RIOK3: variants seen among roughly 807,000 people sequenced by gnomAD.
The protein encoded by RIOK3 is RIO kinase 3.
Under a neutral mutation model 63.5 loss-of-function variants are expected in RIOK3, and 40 were observed. The ratio of observed to expected loss-of-function variants is 0.63; its 90% CI spans 0.49 to 0.82. The LOEUF (loss-of-function observed/expected upper bound fraction) is 0.82. RIOK3 is among the 40% of genes least tolerant of loss of function. The probability of loss-of-function intolerance (pLI) is 0.00; values close to 1 mark genes in which losing one functional copy is unlikely to be tolerated. For missense variants in RIOK3, 557 were observed against 637.0 expected, an observed-to-expected ratio of 0.87 and a Z score of 1.35; for synonymous variants, 193 against 205.0, an observed-to-expected ratio of 0.94 and a Z score of 0.50.
intron 6 of RIOK3, 75 bp from the exon 7 acceptor site, chr18:23,467,324 A>AG: frequency 6.9e-7 from 1 of 1,449,984 alleles, no homozygotes; most frequent in East Asian, 2.3e-5. Flanking sequence ...CAAAAAAAAA[A>AG]AGTTATTAGA....
At chr18:23,455,287 C>G (rs2057331638) in intron 1 of RIOK3, among the ~76,000 whole-genome samples, 1 of 151,626 alleles carries the variant, frequency 6.6e-6, no homozygotes, top group African/African-American at 2.4e-5. Context: ...ATTGGCCAGG[C>G]TGGTCTCAAA....
Position 23,477,277 on chromosome 18 carries a change from G to A in RIOK3, c.1344+9G>A. 6.2e-7 allele frequency: 1 copy of A among 1,609,888 alleles called. No individual in the cohort carries two copies. Among genetic ancestry groups the A allele is most frequent in the South Asian group, 1.1e-5 (1 of 90,982 alleles). On this transcript the variant is annotated intron_variant, in intron 11 of 12. Transcript: ENST00000339486. ...GCAGGAATGTCTCGCAGGTAGACGTGTAAACCAATATGCCTTTTTTTGTTG... is the reference window on the plus strand; with the variant it reads ...GCAGGAATGTCTCGCAGGTAGACGTATAAACCAATATGCCTTTTTTTGTTG...
intron 7 of RIOK3, among the ~76,000 whole-genome samples, chr18:23,469,323 CT>C (rs1741212505): frequency 3.2e-5 from 1 of 30,966 alleles, no homozygotes; most frequent in Non-Finnish European, 6.2e-5. Flanking sequence ...CTCTCTCTCT[CT>C]CTCTCTCTCT....
intron 7 of RIOK3, among the ~76,000 whole-genome samples, chr18:23,469,530 C>G (rs73390225): frequency 0.15 from 22,409 of 147,560 alleles, 2,765 homozygotes; most frequent in East Asian, 0.33. Context: ...CTCTGTCACC[C>G]AGGCTGGAGT....
At position 23,453,501 on chromosome 18, in the gene RIOK3, A is replaced by T. The variant is rs756195351; in HGVS notation, c.62A>T (p.Lys21Met). 2 of 1,612,210 alleles carry T rather than the reference A, an allele frequency of 1.2e-6. No individual in the cohort carries two copies. The highest frequency in any genetic ancestry group is 2.2e-5 in the South Asian group (2 of 91,058). Residue 21 changes from lysine (K) to methionine (M), a missense_variant and splice_region_variant, in exon 1 of 13, where the codon AAG (lysine) becomes ATG (methionine). Lys to Met is a moderately conservative substitution (Grantham distance 95). Around this residue, in one of 3 missense-constraint regions of RIOK3, gnomAD observed 243 missense variants for 275.4 expected, o/e 0.88. Coordinates refer to ENST00000339486, the MANE Select transcript of RIOK3 (RefSeq NM_003831.5). The part of the protein sequence containing the change: ...PGTAAAWGPS[K>M]CPWAIPQNTI... ...ACGGCAGCGGCCTGGGGACCCAGCA[A>T]GGTAAGTGGCAGACGAGACTGGAGT...
chr18:23,473,152 T>C (rs924407739), intron 7 of RIOK3, among the ~76,000 whole-genome samples: 1 of 152,250 alleles, frequency 6.6e-6, no homozygotes, highest in African/African-American at 2.4e-5. Context: ...TATGTCTTCA[T>C]TGTATTTCAA....
intron 1 of RIOK3, among the ~76,000 whole-genome samples, chr18:23,456,128 C>T (rs781189269): frequency 4.6e-5 from 7 of 151,054 alleles, no homozygotes; most frequent in East Asian, 3.9e-4. Context: ...GATCGGATTT[C>T]ACCATGTTGC....
rs1252836397 is a variant in RIOK3 at position 23,482,575 on chromosome 18, T to C, written c.*1296T>C. The C allele has an allele frequency of 6.6e-6, 1 of 152,012 alleles. No homozygotes were observed. Among genetic ancestry groups the C allele is most frequent in the Non-Finnish European group, 1.5e-5 (1 of 68,024 alleles). The allele number at this position is 152,012 out of a possible 1,614,324, so 9.4% of individuals were successfully genotyped here. A position where few individuals can be genotyped will look rare whatever the true frequency, so the allele number is the denominator to read the frequency against. On this transcript the variant is annotated 3_prime_UTR_variant, in exon 13 of 13. Transcript: ENST00000339486. ...ATCAACTAATTTGAGCTATCTGGCC[T>C]TACTCTTAGTAGTTTTTAGTACGTG...
intron 1 of RIOK3, among the ~76,000 whole-genome samples, chr18:23,459,657 C>T (rs981415193): frequency 1.3e-5 from 2 of 152,056 alleles, no homozygotes; most frequent in Admixed American, 6.6e-5. Flanking sequence ...AGGCATGCAG[C>T]GGGGAAAGTA....
At chr18:23,459,234 C>T (rs2057359146) in intron 1 of RIOK3, among the ~76,000 whole-genome samples, 1 of 152,176 alleles carries the variant, frequency 6.6e-6, no homozygotes, top group African/African-American at 2.4e-5. Flanking sequence ...GGAGTTGAAA[C>T]CTCAGAAGCG....
At chr18:23,475,506 G>A (rs1306062726) in intron 9 of RIOK3, among the ~76,000 whole-genome samples, 2 of 150,892 alleles carry the variant, frequency 1.3e-5, no homozygotes, top group African/African-American at 2.4e-5. Context: ...GCACACACCT[G>A]TAGTCCCAGC....
At chr18:23,458,427 G>T (rs1301531516) in intron 1 of RIOK3, among the ~76,000 whole-genome samples, 1 of 152,110 alleles carries the variant, frequency 6.6e-6, no homozygotes, top group East Asian at 1.9e-4. Flanking sequence ...AGGAAAACAG[G>T]GTGGGTCTTA....
chr18:23,477,054 A>G lies in RIOK3; in HGVS notation c.1222A>G (p.Ser408Gly), dbSNP rs758120300. 1.9e-6 allele frequency: 3 copies of G among 1,614,074 alleles called. No homozygotes were observed. Among genetic ancestry groups the G allele is most frequent in the South Asian group, 1.1e-5 (1 of 91,082 alleles). Residue 408 changes from serine (S) to glycine (G), a missense_variant, in exon 10 of 13, where the codon AGT (serine) becomes GGT (glycine). By Grantham distance (56) the Ser-to-Gly change is moderately conservative. Transcript: ENST00000339486. Reference protein sequence around the residue: ...HECTLVHADLSEYNMLWHAGK... With the variant: ...HECTLVHADLGEYNMLWHAGK... ...ATGTACGCTTGTCCATGCTGACCTCAGTGAGTATAACATGCTGTGGCATGC... is the reference window on the plus strand; with the variant it reads ...ATGTACGCTTGTCCATGCTGACCTCGGTGAGTATAACATGCTGTGGCATGC...
chr18:23,464,070 C>T lies in RIOK3; in HGVS notation c.283C>T (p.Gln95Ter), dbSNP rs2057389561. 6.2e-7 allele frequency: 1 copy of T among 1,613,230 alleles called. No individual in the cohort carries two copies. Among genetic ancestry groups the T allele is most frequent in the African/African-American group, 1.3e-5 (1 of 74,828 alleles). ...GGAATATGACAGAGAATATGATGCA[C>T]AGCTTAGGCGTGAAGAAAAAAAATT... ...QMEYDREYDAQLRREEKKFNG... is the reference protein window; with the variant it reads ...QMEYDREYDA The change falls in exon 3 of 13, where the codon CAG (glutamine) becomes TAG (stop). Residue 95 changes from glutamine to a stop codon, truncating the protein, a stop_gained. Transcript: ENST00000339486. LOFTEE classifies it high-confidence loss of function.
intron 11 of RIOK3, 140 bp downstream of exon 11, chr18:23,477,408 A>G: frequency 1.5e-6 from 1 of 687,142 alleles, no homozygotes; most frequent in Non-Finnish European, 2.6e-6. Context: ...CAAGGATATA[A>G]AGATCAATTT....
Position 23,464,577 on chromosome 18 carries a change from C to A in RIOK3, c.492C>A (p.Thr164=). Residue 164 remains threonine (T), a synonymous_variant, in exon 5 of 13, where the codon ACC becomes ACA. Transcript: ENST00000339486. The stretch of plus-strand genomic sequence containing the variant: ...TTGGAAAAGGAAAAGATATCACCAC[C>A]AAACATGATGAAGTAGTATGTGGGA... ...GFIGKGKDIT[T]KHDEVVCGRK... is the part of the protein sequence containing the mutation. 1 of 1,608,134 alleles carries A rather than the reference C, an allele frequency of 6.2e-7. No individual in the cohort carries two copies.
At position 23,467,329 on chromosome 18, in the gene RIOK3, A is replaced by G. The variant is rs113898575; in HGVS notation, c.688-70A>G. ...GACTCCGTCTCAAAAAAAAAAAGTT[A>G]TTAGAAGTGGCTCAGAAAATATTTT... On this transcript the variant is annotated intron_variant, in intron 6 of 12. Coordinates refer to ENST00000339486, the MANE Select transcript of RIOK3 (RefSeq NM_003831.5). 100 of 1,483,550 alleles carry G rather than the reference A, an allele frequency of 6.7e-5. 1 individual carries two copies. In the African/African-American group the frequency reaches 1.1e-3, roughly 16 times the overall value. The allele number at this position is 1,483,550 out of a possible 1,614,324, so 91.9% of individuals were successfully genotyped here. A position where few individuals can be genotyped will look rare whatever the true frequency, so the allele number is the denominator to read the frequency against.
intron 1 of RIOK3, among the ~76,000 whole-genome samples, chr18:23,459,933 A>G (rs943209634): frequency 6.6e-6 from 1 of 152,178 alleles, no homozygotes; most frequent in Non-Finnish European, 1.5e-5. Context: ...ACCTCAGGTG[A>G]TTCGCCTGCC....
At chr18:23,476,329 A>G (rs943907628) in intron 9 of RIOK3, among the ~76,000 whole-genome samples, 1 of 152,158 alleles carries the variant, frequency 6.6e-6, no homozygotes, top group African/African-American at 2.4e-5. Flanking sequence ...CACTGGAGAA[A>G]CTTAATGTGC....
Sources: gnomAD v4.1 joint callset for allele counts (sites outside exome capture counted in the v4.1 genomes callset) on GRCh38, gnomAD v4.1.1 for gene constraint, gnomAD v4.1.1 regional missense constraint, MANE v1.5 for transcripts, NCBI Gene and HGNC (gene_info 2026-07-23, HGNC 2026-07-21) for gene names.